Variants in SPOCK3 observed in about 807,000 individuals in gnomAD.
SPOCK3 encodes the protein testican-3.
In SPOCK3, 30 loss-of-function variants were observed where a neutral mutation model predicts 56.6. The ratio of observed to expected loss-of-function variants is 0.53; its 90% CI spans 0.40 to 0.72. The LOEUF (loss-of-function observed/expected upper bound fraction) is 0.72, where lower values mean the gene tolerates loss of function less well. Ranked by LOEUF, SPOCK3 falls within the 30% of genes least tolerant of loss-of-function variation. SPOCK3 has a pLI of 0.00. For missense variants in SPOCK3, 527 were observed against 530.0 expected (o/e 0.99, Z 0.06); for synonymous variants, 196 against 183.3 (o/e 1.07, Z -0.56).
chr4:166,956,419 C>T, intron 4 of SPOCK3, among the ~76,000 whole-genome samples: 1 of 152,032 alleles, frequency 6.6e-6, no homozygotes, highest in East Asian at 1.9e-4. Flanking sequence ...CACTGTAATA[C>T]CTCAGCAGTA....
intron 2 of SPOCK3, among the ~76,000 whole-genome samples, chr4:167,232,373 A>G (rs1737268104): frequency 6.6e-6 from 1 of 151,872 alleles, no homozygotes. Flanking sequence ...CCCAAAACAA[A>G]TAGAAAACAG....
intron 2 of SPOCK3, chr4:167,119,965 A>G: frequency 1.3e-6 from 1 of 754,026 alleles, no homozygotes; most frequent in Non-Finnish European, 2.1e-6. Context: ...GCTACATTTA[A>G]AAATGGGTAA....
At chr4:166,896,402 C>T (rs552175736) in intron 5 of SPOCK3, among the ~76,000 whole-genome samples, 68 of 152,234 alleles carry the variant, frequency 4.5e-4, no homozygotes, top group Non-Finnish European at 8.4e-4. Flanking sequence ...AGTAGAAGGA[C>T]CCATCCTCTC....
At chr4:166,895,016 A>C (rs1362576567) in intron 5 of SPOCK3, among the ~76,000 whole-genome samples, 3 of 152,176 alleles carry the variant, frequency 2.0e-5, no homozygotes, top group Non-Finnish European at 4.4e-5. Flanking sequence ...TGGAAAGATC[A>C]AAAGGCTAGT....
intron 4 of SPOCK3, among the ~76,000 whole-genome samples, chr4:166,998,649 T>C (rs1450130440): frequency 6.6e-6 from 1 of 152,158 alleles, no homozygotes; most frequent in Non-Finnish European, 1.5e-5. Flanking sequence ...GCGACGTCTT[T>C]GGTTGCTCTT....
chr4:166,855,581 T>C (rs1057037206), intron 6 of SPOCK3, among the ~76,000 whole-genome samples: 9 of 151,334 alleles, frequency 5.9e-5, no homozygotes, highest in Admixed American at 3.3e-4. Context: ...ATATTTTGTA[T>C]GCACAGGAAA....
At chr4:166,773,198 G>A (rs1334570472) in intron 7 of SPOCK3, among the ~76,000 whole-genome samples, 7 of 152,054 alleles carry the variant, frequency 4.6e-5, no homozygotes, top group Non-Finnish European at 1.5e-5. Context: ...ACAAACTTTT[G>A]TAATAATTTT....
chr4:166,950,485 G>C (rs1357432567), intron 4 of SPOCK3, among the ~76,000 whole-genome samples: 1 of 151,668 alleles, frequency 6.6e-6, no homozygotes, highest in Non-Finnish European at 1.5e-5. Context: ...CATTAATAAT[G>C]GGAGACTTTA....
At chr4:166,737,036 G>T (rs1267843874) in intron 10 of SPOCK3, among the ~76,000 whole-genome samples, 1 of 152,032 alleles carries the variant, frequency 6.6e-6, no homozygotes, top group African/African-American at 2.4e-5. Flanking sequence ...CTTTAAAAAG[G>T]TTTGTATTTC....
At chr4:167,228,135 A>G (rs941123855) in intron 2 of SPOCK3, among the ~76,000 whole-genome samples, 1 of 152,276 alleles carries the variant, frequency 6.6e-6, no homozygotes, top group South Asian at 2.1e-4. Flanking sequence ...ATGTGTAATA[A>G]CTATACACAT....
chr4:166,790,889 G>C (rs913990525), intron 7 of SPOCK3, among the ~76,000 whole-genome samples: 1 of 152,126 alleles, frequency 6.6e-6, no homozygotes, highest in Non-Finnish European at 1.5e-5. Flanking sequence ...ATATGTAAGG[G>C]TATGGAAGAA....
chr4:166,949,928 G>C lies in SPOCK3; in HGVS notation c.351-37185C>G, dbSNP rs577027993. Among the ~76,000 whole-genome samples, 108 of 151,336 alleles carry C rather than the reference G, an allele frequency of 7.1e-4. 1 individual carries two copies. Among genetic ancestry groups the C allele is most frequent in the Middle Eastern group, 6.8e-3 (2 of 294 alleles). On this transcript the variant is annotated intron_variant, in intron 4 of 10. Transcript: ENST00000357545. The stretch of plus-strand genomic sequence containing the variant: ...CCAGGCCTGCCCTAAAAGAGCTCCT[G>C]AAGGAAGCACTAAACATGCAAAGGA...
At chr4:166,970,719 C>T (rs922741464) in intron 4 of SPOCK3, among the ~76,000 whole-genome samples, 41 of 138,026 alleles carry the variant, frequency 3.0e-4, no homozygotes, top group Non-Finnish European at 5.3e-4. Context: ...AGCAAGACAC[C>T]GTCAAAAAAG....
At chr4:166,866,686 T>G (rs1731876815) in intron 6 of SPOCK3, among the ~76,000 whole-genome samples, 1 of 151,964 alleles carries the variant, frequency 6.6e-6, no homozygotes, top group Non-Finnish European at 1.5e-5. Context: ...ATGATCAAAC[T>G]AGGAGTCTGG....
chr4:166,857,175 A>G (rs910055838), intron 6 of SPOCK3, among the ~76,000 whole-genome samples: 10 of 152,210 alleles, frequency 6.6e-5, no homozygotes, highest in Non-Finnish European at 1.5e-4. Context: ...AAGAATTTTA[A>G]GTGGTAGTTT....
chr4:166,989,397 T>A (rs1747529240), intron 4 of SPOCK3, among the ~76,000 whole-genome samples: 1 of 152,090 alleles, frequency 6.6e-6, no homozygotes, highest in Non-Finnish European at 1.5e-5. Context: ...TATATTCTGT[T>A]TTATATAAGC....
At chr4:166,987,442 C>T (rs547214531) in intron 4 of SPOCK3, among the ~76,000 whole-genome samples, 10 of 152,224 alleles carry the variant, frequency 6.6e-5, no homozygotes, top group African/African-American at 2.4e-4. Flanking sequence ...AATTATATTG[C>T]GTATTGTTTG....
At chr4:166,812,951 C>T (rs1030415754) in intron 6 of SPOCK3, among the ~76,000 whole-genome samples, 1 of 151,880 alleles carries the variant, frequency 6.6e-6, no homozygotes, top group Non-Finnish European at 1.5e-5. Flanking sequence ...AATATTTGCA[C>T]TTTTATTTCC....
intron 3 of SPOCK3, among the ~76,000 whole-genome samples, chr4:167,000,720 G>C (rs189223145): frequency 2.0e-5 from 3 of 152,244 alleles, no homozygotes; most frequent in Admixed American, 6.5e-5. Flanking sequence ...TATCAAAATA[G>C]AAACTTTAAG....
Sources: allele counts gnomAD v4.1 joint callset (sites outside exome capture counted in the v4.1 genomes callset), GRCh38; gene constraint gnomAD v4.1.1; transcripts MANE v1.5; gene names NCBI Gene and HGNC (gene_info 2026-07-23, HGNC 2026-07-21).